Variants in CCDC9 observed in about 807,000 individuals in gnomAD.
CCDC9 encodes coiled-coil domain containing 9.
In CCDC9, 52 loss-of-function variants were observed where a neutral mutation model predicts 65.6. The ratio of observed to expected loss-of-function variants is 0.79; its 90% CI spans 0.63 to 1.00. The LOEUF (loss-of-function observed/expected upper bound fraction) is 1.00, where lower values mean the gene tolerates loss of function less well. Ranked by LOEUF, CCDC9 falls within the 50% of genes least tolerant of loss-of-function variation. The pLI is 0.00. For synonymous variants in CCDC9, 332 were observed against 280.3 expected, an observed-to-expected ratio of 1.18 and a Z score of -1.84; for missense variants, 834 against 757.2, an observed-to-expected ratio of 1.10 and a Z score of -1.19.
downstream of CCDC9, among the ~76,000 whole-genome samples, chr19:47,272,754 C>T (rs965252232): frequency 2.0e-5 from 3 of 152,132 alleles, no homozygotes; most frequent in Non-Finnish European, 2.9e-5. Context: ...GATTAGAGTT[C>T]CGAGGTGCAA....
At position 47,264,646 on chromosome 19, in the gene CCDC9, A is replaced by T; in HGVS notation, c.506A>T (p.Glu169Val). 6.2e-7 allele frequency: 1 copy of T among 1,605,010 alleles called. No homozygotes were observed. The highest frequency in any genetic ancestry group is 8.5e-7 in the Non-Finnish European group (1 of 1,175,952). Residue 169 changes from glutamate to valine, a missense_variant, in exon 6 of 12, where the codon GAG becomes GTG. Coordinates refer to ENST00000221922, the MANE Select transcript of CCDC9 (RefSeq NM_015603.3). The stretch of plus-strand genomic sequence containing the variant: ...AGGCAGAACATTGAGAAGATGAATG[A>T]GGAGATGGAGAAGATCGCCGAGTAT... ...RRRQNIEKMN[E>V]EMEKIAEYER...
downstream of CCDC9, chr19:47,275,019 T>C: frequency 1.3e-6 from 2 of 1,484,544 alleles, no homozygotes; most frequent in Non-Finnish European, 1.8e-6. Context: ...GGCTCCGGTA[T>C]GCGCCTACTT....
chr19:47,272,385 A>T (rs551898024), downstream of CCDC9, among the ~76,000 whole-genome samples: 99 of 152,168 alleles, frequency 6.5e-4, 2 homozygotes, highest in South Asian at 0.015. Flanking sequence ...GGAATTTGGT[A>T]TGGAGGTTGA....
chr19:47,275,215 T>G, downstream of CCDC9: 2 of 1,526,432 alleles, frequency 1.3e-6, no homozygotes, highest in South Asian at 2.4e-5. Flanking sequence ...CTCCTGGGAG[T>G]CCCCGGCGGG....
downstream of CCDC9, chr19:47,272,116 C>T (rs1387837047): frequency 3.2e-6 from 4 of 1,235,742 alleles, no homozygotes; most frequent in African/African-American, 1.6e-5. Context: ...GCCCAGCCTC[C>T]GAGGAACCCA....
At chr19:47,270,785 T>TC in intron 10 of CCDC9, 97 bp downstream of exon 10, 1 of 1,347,460 alleles carries the variant, frequency 7.4e-7, no homozygotes, top group Non-Finnish European at 9.9e-7. Context: ...CATCTGTCTG[T>TC]CCCTGTCTTT....
chr19:47,266,915 G>A, intron 8 of CCDC9, 123 bp downstream of exon 8: 1 of 1,179,526 alleles, frequency 8.5e-7, no homozygotes, highest in East Asian at 2.7e-5. Context: ...AGTATCCTGA[G>A]ATGCCATGGA....
chr19:47,258,692 A>C, intron 3 of CCDC9, 29 bp downstream of exon 3: 3 of 1,526,594 alleles, frequency 2.0e-6, no homozygotes, highest in Non-Finnish European at 2.7e-6. Context: ...GGGAGACCCC[A>C]TCCCCTCTCT....
Position 47,264,764 on chromosome 19 carries a change from T to G in CCDC9, c.547-9T>G. On this transcript the variant is annotated splice_polypyrimidine_tract_variant and intron_variant, in intron 6 of 11. Coordinates refer to ENST00000221922, the MANE Select transcript of CCDC9 (RefSeq NM_015603.3). ...AGCCCGCGCCAACCCCCTGCTCTGCTGCCTGCAGGAAGGGGTTCTTGAACC... is the reference window on the plus strand; with the variant it reads ...AGCCCGCGCCAACCCCCTGCTCTGCGGCCTGCAGGAAGGGGTTCTTGAACC... 6.2e-7 allele frequency: 1 copy of G among 1,606,202 alleles called. No individual in the cohort carries two copies. The highest frequency in any genetic ancestry group is 8.5e-7 in the Non-Finnish European group (1 of 1,176,086).
downstream of CCDC9, chr19:47,275,186 C>G (rs1376788857): frequency 6.8e-7 from 1 of 1,477,012 alleles, no homozygotes; most frequent in Middle Eastern, 2.2e-4. Context: ...CGGCGCCCGC[C>G]GCTGCCTCCC....
At chr19:47,260,448 C>T (rs917242169) in intron 4 of CCDC9, 26 bp downstream of exon 4, 17 of 1,608,202 alleles carry the variant, frequency 1.1e-5, no homozygotes, top group East Asian at 2.2e-5. Context: ...GGGTGTGGGA[C>T]CCTGAGGATG....
chr19:47,274,585 G>A (rs762064374), downstream of CCDC9: 7 of 193,056 alleles, frequency 3.6e-5, no homozygotes, highest in Non-Finnish European at 7.1e-5. Flanking sequence ...CTCCGAGGCG[G>A]GCTAGATGCC....
At chr19:47,275,237 G>T (rs1425419972), downstream of CCDC9, 4 of 1,535,580 alleles carry the variant, frequency 2.6e-6, no homozygotes, top group South Asian at 1.2e-5. Context: ...CGCGACCCCA[G>T]CTCCAGCTGC....
intron 5 of CCDC9, among the ~76,000 whole-genome samples, chr19:47,262,468 C>T (rs1391968703): frequency 2.0e-5 from 3 of 152,060 alleles, no homozygotes; most frequent in Non-Finnish European, 4.4e-5. Flanking sequence ...CCTACCGCCT[C>T]GGCCTCCCAA....
At position 47,271,563 on chromosome 19, in the gene CCDC9, G is replaced by C. The variant is rs972373669; in HGVS notation, c.1481G>C (p.Ser494Thr). The part of the protein sequence containing the change: ...GTPSSPFSPP[S>T]GHQPVSDWGE... ...CCTTCCAGCCCTTTCTCACCACCCA[G>C]CGGCCACCAGCCTGTGTCCGATTGG... Residue 494 changes from serine (S) to threonine (T), a missense_variant, in exon 12 of 12, where the codon AGC (serine) becomes ACC (threonine). Transcript: ENST00000221922. 6.2e-7 allele frequency: 1 copy of C among 1,613,256 alleles called. No homozygotes were observed. Among genetic ancestry groups the C allele is most frequent in the African/African-American group, 1.3e-5 (1 of 75,018 alleles).
Position 47,266,069 on chromosome 19 carries a change from C to G in CCDC9, c.721-542C>G, listed in dbSNP as rs570082810. Among the ~76,000 whole-genome samples the G allele has an allele frequency of 3.8e-4, 55 of 142,992 alleles. 1 individual carries two copies. Among genetic ancestry groups the G allele is most frequent in the South Asian group, 2.5e-3 (11 of 4,456 alleles). 93.8% of individuals were successfully genotyped at this position (142,992 alleles called of 152,430 possible). On this transcript the variant is annotated intron_variant, in intron 7 of 11. Transcript: ENST00000221922. The stretch of plus-strand genomic sequence containing the variant: ...GGAGTGCAGTGGCGCGATCTCGGCT[C>G]ACTGCAAGCTCTGCCTCCTGGGTTC...
chr19:47,261,244 C>T (rs1316077650), intron 5 of CCDC9, among the ~76,000 whole-genome samples: 5 of 152,104 alleles, frequency 3.3e-5, no homozygotes, highest in African/African-American at 1.2e-4. Flanking sequence ...TCTCTCCTCC[C>T]TTTCTGGCAC....
Position 47,271,648 on chromosome 19 carries a change from G to T in CCDC9, c.1566G>T (p.Pro522=), listed in dbSNP as rs199851405. The T allele has an allele frequency of 6.2e-7, 1 of 1,603,394 alleles. No homozygotes were observed. The highest frequency in any genetic ancestry group is 8.5e-7 in the Non-Finnish European group (1 of 1,174,694). The change falls in exon 12 of 12, where the codon CCG becomes CCT. Residue 522 remains proline, a synonymous_variant. Transcript: ENST00000221922. ...CTCACCTGGCTGGCGCCCTCTCCCC[G>T]GGTGAGGCCTGGCCTTTTGAGAGTG... ...RTTHLAGALS[P]GEAWPFESV is the part of the protein sequence containing the mutation.
intron 1 of CCDC9, among the ~76,000 whole-genome samples, chr19:47,257,164 C>T (rs989193064): frequency 2.0e-5 from 3 of 149,518 alleles, no homozygotes; most frequent in Middle Eastern, 3.4e-3. Context: ...GGAGTTGAGC[C>T]AGAACCCTGG....
Sources: gnomAD v4.1 joint callset for allele counts (sites outside exome capture counted in the v4.1 genomes callset) on GRCh38, gnomAD v4.1.1 for gene constraint, MANE v1.5 for transcripts, NCBI Gene and HGNC (gene_info 2026-07-23, HGNC 2026-07-21) for gene names.